The following MYNN variants were observed in gnomAD, a reference collection of about 807,000 sequenced individuals.
MYNN encodes the protein myoneurin.
A neutral mutation model predicts 57.2 loss-of-function variants in MYNN; 22 were observed. The observed-to-expected ratio is 0.38, with a 90% CI of 0.27 to 0.55. The LOEUF (loss-of-function observed/expected upper bound fraction) is 0.55. Ranked by LOEUF, MYNN falls within the 20% of genes least tolerant of loss-of-function variation. MYNN has a pLI of 0.71. For missense variants in MYNN, 566 were observed against 723.1 expected, an observed-to-expected ratio of 0.78 and a Z score of 2.49; for synonymous variants, 241 against 257.1, an observed-to-expected ratio of 0.94 and a Z score of 0.60.
intron 2 of MYNN, 129 bp from the exon 3 acceptor site, chr3:169,778,639 C>A: frequency 3.0e-6 from 2 of 662,390 alleles, no homozygotes; most frequent in Non-Finnish European, 2.5e-6. Flanking sequence ...ATCTATTTTT[C>A]TCTTAGTTAT....
At chr3:169,774,996 A>T (rs1778292272) in intron 2 of MYNN, among the ~76,000 whole-genome samples, 1 of 151,914 alleles carries the variant, frequency 6.6e-6, no homozygotes. Flanking sequence ...GCACTACCAC[A>T]CCTGGCTAAT....
chr3:169,780,558 T>C (rs1180662506), intron 3 of MYNN, 32 bp from the exon 4 acceptor site: 3 of 1,523,052 alleles, frequency 2.0e-6, no homozygotes, highest in East Asian at 2.3e-5. Context: ...AACACTATTT[T>C]CTTCTAAATA....
intron 7 of MYNN, among the ~76,000 whole-genome samples, chr3:169,785,780 C>T (rs1007477446): frequency 6.6e-6 from 1 of 152,000 alleles, no homozygotes; most frequent in South Asian, 2.1e-4. Context: ...AAAATCATGT[C>T]AACACTTTAG....
At chr3:169,777,059 G>A (rs1778370266) in intron 2 of MYNN, 1 of 152,102 alleles carries the variant, frequency 6.6e-6, no homozygotes, top group South Asian at 2.1e-4. Flanking sequence ...TATCTGTTTG[G>A]CGGTTTATTT....
In MYNN at chr3:169,782,676, A is replaced by C. The variant is rs764863312; in HGVS notation, c.1399+33A>C. The C allele has an allele frequency of 1.3e-6, 2 of 1,581,438 alleles. No individual in the cohort carries two copies. Among genetic ancestry groups the C allele is most frequent in the Non-Finnish European group, 1.7e-6 (2 of 1,166,110 alleles). On this transcript the variant is annotated intron_variant, in intron 5 of 7. Coordinates refer to ENST00000349841, the MANE Select transcript of MYNN (RefSeq NM_018657.5). This position sits in a 1 kb window ranked among gnomAD's most constrained non-coding sequence, Gnocchi z 4.8. Reference sequence around the variant, plus strand: ...TGACAGGGAGAGACTGCTTAAAATAAAGTTATAAATAAAAGAAAAAGGGGA... The same window carrying C: ...TGACAGGGAGAGACTGCTTAAAATACAGTTATAAATAAAAGAAAAAGGGGA...
chr3:169,773,534 C>T (rs1778237608), intron 1 of MYNN, 72 bp downstream of exon 1: 1 of 152,642 alleles, frequency 6.6e-6, no homozygotes, highest in Admixed American at 6.5e-5. Context: ...GGGCAGGCTC[C>T]TTGGAGTTCC....
intron 4 of MYNN, 115 bp downstream of exon 4, chr3:169,780,864 C>T (rs1012897208): frequency 1.1e-6 from 1 of 904,580 alleles, no homozygotes; most frequent in Non-Finnish European, 1.6e-6. Flanking sequence ...TTCCACCAAA[C>T]AATGTTAACA....
At position 169,774,443 on chromosome 3, in the gene MYNN, G is replaced by A. The variant is rs1039069915; in HGVS notation, c.148G>A (p.Gly50Ser). Residue 50 changes from glycine to serine, a missense_variant, in exon 2 of 8, where the codon GGT (glycine) becomes AGT (serine). Physicochemically the swap from Gly to Ser is moderately conservative, Grantham distance 56. Transcript: ENST00000349841. ...GCTGGCCTCCTTTAGTGAGTATTTTGGTGCGATCTACAGAAGCACTTCTGA... is the reference window on the plus strand; with the variant it reads ...GCTGGCCTCCTTTAGTGAGTATTTTAGTGCGATCTACAGAAGCACTTCTGA... ...NVLASFSEYF[G>S]AIYRSTSENN... The A allele has an allele frequency of 1.2e-6, 2 of 1,613,948 alleles. No homozygotes were observed. Among genetic ancestry groups the A allele is most frequent in the African/African-American group, 1.3e-5 (1 of 74,898 alleles).
intron 1 of MYNN, chr3:169,773,884 C>T (rs1778249376): frequency 6.3e-6 from 1 of 157,516 alleles, no homozygotes; most frequent in Non-Finnish European, 1.4e-5. Flanking sequence ...TTTTTAAAAA[C>T]TCGTACTGTT....
chr3:169,780,804 A>T, intron 4 of MYNN, 55 bp downstream of exon 4: 1 of 1,326,078 alleles, frequency 7.5e-7, no homozygotes, highest in Non-Finnish European at 1.0e-6. Context: ...CCATAGTCTT[A>T]TGAATAGACT....
chr3:169,789,506 A>T lies in MYNN; in HGVS notation c.*2828A>T, dbSNP rs1475117721. The T allele has an allele frequency of 6.6e-6, 1 of 152,232 alleles. No homozygotes were observed. Among genetic ancestry groups the T allele is most frequent in the Non-Finnish European group, 1.5e-5 (1 of 68,038 alleles). The allele number at this position is 152,232 out of a possible 1,614,324, so 9.4% of individuals were successfully genotyped here. ...TAGGTGATTTTAATGTATACCAAAC[A>T]TGTAGAGTCTCACTCTGTTGCCCAG... On this transcript the variant is annotated 3_prime_UTR_variant, in exon 8 of 8. Transcript: ENST00000349841.
In MYNN at chr3:169,786,894, T is replaced by A. The variant is rs1378664248; in HGVS notation, c.*216T>A. 3 of 491,762 alleles carry A rather than the reference T, an allele frequency of 6.1e-6. No individual in the cohort carries two copies. The Admixed American group carries it at 1.0e-4, about 17-fold the overall frequency. 30.5% of individuals were successfully genotyped at this position (491,762 alleles called of 1,614,324 possible). On this transcript the variant is annotated 3_prime_UTR_variant, in exon 8 of 8. Coordinates refer to ENST00000349841, the MANE Select transcript of MYNN (RefSeq NM_018657.5). Reference sequence around the variant, plus strand: ...ACAGAGAGCTTTTTAAGTAATGAATTATGTAGCACTATTTTGGGTGGATGA... The same window carrying A: ...ACAGAGAGCTTTTTAAGTAATGAATAATGTAGCACTATTTTGGGTGGATGA...
intron 2 of MYNN, among the ~76,000 whole-genome samples, chr3:169,775,567 T>TGTC (rs1335992803): frequency 6.6e-6 from 1 of 152,180 alleles, no homozygotes; most frequent in Non-Finnish European, 1.5e-5. Context: ...GAGATGGTAA[T>TGTC]AACTACCTTG....
intron 7 of MYNN, among the ~76,000 whole-genome samples, chr3:169,785,060 AT>A (rs1479344121): frequency 8.7e-6 from 1 of 114,924 alleles, no homozygotes; most frequent in East Asian, 3.9e-4. Context: ...TATGGTTATT[AT>A]GAAAAAAAAG....
Position 169,774,678 on chromosome 3 carries a change from C to T in MYNN, c.266+117C>T. The T allele has an allele frequency of 3.2e-6, 3 of 934,130 alleles. No individual in the cohort carries two copies. In the South Asian group the frequency reaches 4.9e-5, roughly 15 times the overall value. 57.9% of individuals were successfully genotyped at this position (934,130 alleles called of 1,614,324 possible). A position where few individuals can be genotyped will look rare whatever the true frequency, so the allele number is the denominator to read the frequency against. On this transcript the variant is annotated intron_variant, in intron 2 of 7. Coordinates refer to ENST00000349841, the MANE Select transcript of MYNN (RefSeq NM_018657.5). The stretch of plus-strand genomic sequence containing the variant: ...CTCAAATTCTTCACCTATTTATGCA[C>T]ACAATGTTTGTTTTTATAAAGAAAT...
At position 169,779,088 on chromosome 3, in the gene MYNN, C is replaced by T; in HGVS notation, c.587C>T (p.Thr196Ile). 1 of 1,614,160 alleles carries T rather than the reference C, an allele frequency of 6.2e-7. No individual in the cohort carries two copies. The highest frequency in any genetic ancestry group is 1.3e-5 in the African/African-American group (1 of 75,064). ...FNSPKTGQNK[T>I]VQYPSDILEN... is the part of the protein sequence containing the mutation. The stretch of plus-strand genomic sequence containing the variant: ...TCCCCGAAAACAGGGCAGAATAAAA[C>T]AGTGCAATATCCCAGTGACATCTTA... The change falls in exon 3 of 8, where the codon ACA becomes ATA. Residue 196 changes from threonine (T) to isoleucine (I), a missense_variant. Coordinates refer to ENST00000349841, the MANE Select transcript of MYNN (RefSeq NM_018657.5).
chr3:169,780,015 G>A (rs1388026308), intron 3 of MYNN: 3 of 166,114 alleles, frequency 1.8e-5, no homozygotes, highest in Admixed American at 1.7e-4. Flanking sequence ...CCTCTGCCTG[G>A]TTGTAAAGTA....
intron 1 of MYNN, 151 bp from the exon 2 acceptor site, chr3:169,774,114 A>G (rs1212349952): frequency 9.9e-6 from 6 of 604,010 alleles, no homozygotes; most frequent in Admixed American, 3.0e-5. Context: ...AAAGATAGAA[A>G]GGCACTCATC....
At chr3:169,778,487 T>A (rs190847293) in intron 2 of MYNN, 3,281 of 257,832 alleles carry the variant, frequency 0.013, 16 homozygotes, top group Non-Finnish European at 0.017. Context: ...TCTAGGGTTT[T>A]AAAAAAAAAG....
Sources: gnomAD v4.1 joint callset for allele counts (sites outside exome capture counted in the v4.1 genomes callset) on GRCh38, gnomAD v4.1.1 for gene constraint, Gnocchi (gnomAD v3.1) non-coding constraint, MANE v1.5 for transcripts, NCBI Gene and HGNC (gene_info 2026-07-23, HGNC 2026-07-21) for gene names.